Variants in ACTN1 observed in about 807,000 individuals in gnomAD.
ACTN1 encodes alpha-actinin-1.
Under a neutral mutation model 119.6 loss-of-function variants are expected in ACTN1, and 30 were observed. The ratio of observed to expected loss-of-function variants is 0.25; its 90% CI spans 0.19 to 0.34. The LOEUF is 0.34. Ranked by LOEUF, ACTN1 falls within the 10% of genes least tolerant of loss-of-function variation. The pLI, the probability that ACTN1 is intolerant of heterozygous loss-of-function variation, is 1.00. For synonymous variants in ACTN1, 429 were observed against 472.6 expected (o/e 0.91, Z 1.20); for missense variants, 764 against 1,223.4 (o/e 0.62, Z 5.60).
intron 1 of ACTN1, among the ~76,000 whole-genome samples, chr14:68,941,127 G>A (rs1184410485): frequency 6.6e-6 from 1 of 152,222 alleles, no homozygotes; most frequent in Non-Finnish European, 1.5e-5. Flanking sequence ...TTTAAAAGGG[G>A]CATGAAGCCC....
chr14:68,898,525 G>A (rs552768882), intron 8 of ACTN1, among the ~76,000 whole-genome samples: 3 of 152,162 alleles, frequency 2.0e-5, no homozygotes, highest in Non-Finnish European at 4.4e-5. Context: ...CACTGGGCAC[G>A]GGTTTTGGAA....
In ACTN1 at chr14:68,878,906, C is replaced by T. The variant is rs748517119; in HGVS notation, c.2361+83G>A. 2 of 1,604,776 alleles carry T rather than the reference C, an allele frequency of 1.2e-6. No individual in the cohort carries two copies. Among genetic ancestry groups the T allele is most frequent in the East Asian group, 2.2e-5 (1 of 44,722 alleles). On this transcript the variant is annotated intron_variant, in intron 19 of 21. Transcript: ENST00000394419. The surrounding 1 kb of genome is among the most constrained non-coding windows in gnomAD (Gnocchi z 4.4). Reference sequence around the variant, plus strand: ...ACAGGAGGGGGACAGGAGATCCAGACAGAGAGAAGAGAAAAAGGAAAAACG... The same window carrying T: ...ACAGGAGGGGGACAGGAGATCCAGATAGAGAGAAGAGAAAAAGGAAAAACG...
chr14:68,893,727 G>A lies in ACTN1; in HGVS notation c.783C>T (p.Arg261=), dbSNP rs1193110386. The part of the protein sequence containing the change: ...GAQKAETAAN[R]ICKVLAVNQE... ...GGTTGACGGCCAACACCTTGCAGAT[G>A]CGATTGGCTGCTGTCTCCGCCTGGC... Residue 261 remains arginine, a synonymous_variant, in exon 9 of 22, where the codon CGC becomes CGT. Transcript: ENST00000394419. The A allele has an allele frequency of 6.8e-6, 11 of 1,614,052 alleles. No individual in the cohort carries two copies. The highest frequency in any genetic ancestry group is 2.2e-5 in the East Asian group (1 of 44,878).
At chr14:68,966,190 C>T (rs1479732530) in intron 1 of ACTN1, among the ~76,000 whole-genome samples, 1 of 152,158 alleles carries the variant, frequency 6.6e-6, no homozygotes, top group Non-Finnish European at 1.5e-5. Flanking sequence ...GCACTCCAGC[C>T]TGGGTGACAG....
chr14:68,896,453 C>T (rs546359896), intron 8 of ACTN1, among the ~76,000 whole-genome samples: 5 of 152,236 alleles, frequency 3.3e-5, no homozygotes, highest in East Asian at 1.9e-4. Flanking sequence ...AAGGAAAGGC[C>T]GCTGGGGGTG....
intron 6 of ACTN1, among the ~76,000 whole-genome samples, chr14:68,907,676 G>A (rs187486394): frequency 6.6e-6 from 1 of 152,338 alleles, no homozygotes; most frequent in Admixed American, 6.5e-5. Flanking sequence ...TAGTGCGTGG[G>A]AGAGTGCTAA....
intron 8 of ACTN1, among the ~76,000 whole-genome samples, chr14:68,901,728 T>C (rs1475004668): frequency 6.6e-6 from 1 of 152,234 alleles, no homozygotes; most frequent in Non-Finnish European, 1.5e-5. Flanking sequence ...AAATCTTCAA[T>C]GTCCACAGCA....
In ACTN1 at chr14:68,912,482, G is replaced by A. The variant is rs571481853; in HGVS notation, c.341-240C>T. 8.5e-5 allele frequency among the ~76,000 whole-genome samples: 13 copies of A among 152,226 alleles called. No homozygotes were observed. The East Asian group carries it at 1.7e-3, about 20-fold the overall frequency. ...CAGCCTCCAAATCCTGGGCTCAAGC[G>A]ATCCTCCCATCTCACCTTCCTGGGT... On this transcript the variant is annotated intron_variant, in intron 3 of 21. Coordinates refer to ENST00000394419, the MANE Select transcript of ACTN1 (RefSeq NM_001130004.2).
At chr14:68,978,207 A>G (rs1234266871) in intron 1 of ACTN1, 10 of 455,942 alleles carry the variant, frequency 2.2e-5, no homozygotes, top group African/African-American at 4.0e-5. Flanking sequence ...ACTCGAACCG[A>G]GCTGCCCACC....
intron 1 of ACTN1, chr14:68,947,455 G>GA (rs1415784233): frequency 2.0e-5 from 3 of 152,218 alleles, no homozygotes; most frequent in Non-Finnish European, 2.9e-5. Flanking sequence ...TTTTACAGAG[G>GA]AAGAAACTGA....
intron 1 of ACTN1, among the ~76,000 whole-genome samples, chr14:68,965,746 G>A (rs1285874475): frequency 6.6e-6 from 1 of 152,292 alleles, no homozygotes. Context: ...ACTGGCTTCT[G>A]GGTCTGTCTA....
intron 3 of ACTN1, among the ~76,000 whole-genome samples, chr14:68,912,942 C>T (rs528113346): frequency 9.2e-5 from 14 of 152,236 alleles, no homozygotes; most frequent in African/African-American, 1.4e-4. Context: ...GCCACCCACA[C>T]GTGGAAAAAC....
chr14:68,891,610 G>A (rs1183049095), intron 10 of ACTN1, among the ~76,000 whole-genome samples: 2 of 151,890 alleles, frequency 1.3e-5, no homozygotes, highest in Non-Finnish European at 2.9e-5. Flanking sequence ...TTGCTTATTT[G>A]TATCTTTGAA....
chr14:68,884,388 AGCCCCAG>A, intron 13 of ACTN1, 80 bp from the exon 14 acceptor site: 1 of 1,501,410 alleles, frequency 6.7e-7, no homozygotes, highest in Non-Finnish European at 9.0e-7. Flanking sequence ...CCTCCTGGTG[AGCCCCAG>A]GTCTAGAAGC....
At chr14:68,943,532 C>T (rs2035833474) in intron 1 of ACTN1, among the ~76,000 whole-genome samples, 2 of 152,164 alleles carry the variant, frequency 1.3e-5, no homozygotes, top group Non-Finnish European at 2.9e-5. Flanking sequence ...CCCCAGCCCC[C>T]TCCCCCCAAC....
rs1355211083 is a variant in ACTN1 at position 68,880,295 on chromosome 14, T to A, written c.2134-187A>T. Among the ~76,000 whole-genome samples the A allele has an allele frequency of 6.6e-6, 1 of 152,112 alleles. No homozygotes were observed. Among genetic ancestry groups the A allele is most frequent in the East Asian group, 1.9e-4 (1 of 5,194 alleles). ...AACCTACTAGGACAAGGACCCTAGA[T>A]GACCAAGGGGCAGGGTGGCAGCCTC... is the stretch of plus-strand genomic sequence containing the variant. On this transcript the variant is annotated intron_variant, in intron 17 of 21. Transcript: ENST00000394419. The surrounding 1 kb of genome is among the most constrained non-coding windows in gnomAD (Gnocchi z 4.6).
Position 68,874,900 on chromosome 14 carries a change from T to C in ACTN1, c.2704A>G (p.Met902Val). The C allele has an allele frequency of 6.2e-7, 1 of 1,608,518 alleles. No homozygotes were observed. Among genetic ancestry groups the C allele is most frequent in the Non-Finnish European group, 8.5e-7 (1 of 1,175,678 alleles). The change falls in exon 22 of 22, where the codon ATG becomes GTG. Residue 902 changes from methionine to valine, a missense_variant. Physicochemically the swap from Met to Val is conservative, Grantham distance 21. Transcript: ENST00000394419. ...CCGTACAGCGCCGTGGAGAAGGACA[T>C]GTAGTCCAGAGCACCTGGCACGGAG... ...PDSVPGALDY[M>V]SFSTALYGES... is the part of the protein sequence containing the mutation.
intron 1 of ACTN1, among the ~76,000 whole-genome samples, chr14:68,952,566 G>A (rs995801433): frequency 2.6e-5 from 4 of 152,208 alleles, no homozygotes; most frequent in Admixed American, 2.6e-4. Flanking sequence ...TCCCTGTGCC[G>A]CAATGCCTAG....
Position 68,978,994 on chromosome 14 carries a change from C to T in ACTN1, c.63G>A (p.Arg21=), listed in dbSNP as rs1594895679. The T allele has an allele frequency of 6.2e-7, 1 of 1,602,868 alleles. No homozygotes were observed. The highest frequency in any genetic ancestry group is 8.5e-7 in the Non-Finnish European group (1 of 1,174,506). ...DYMQPEEDWD[R]DLLLDPAWEK... ...CCCAGGCCGGGTCCAGGAGCAGGTC[C>T]CGGTCCCAGTCCTCTTCTGGCTGCA... Residue 21 remains arginine (R), a synonymous_variant, in exon 1 of 22, where the codon CGG becomes CGA. Coordinates refer to ENST00000394419, the MANE Select transcript of ACTN1 (RefSeq NM_001130004.2).
Sources: gnomAD v4.1 joint callset for allele counts (sites outside exome capture counted in the v4.1 genomes callset) on GRCh38, gnomAD v4.1.1 for gene constraint, Gnocchi (gnomAD v3.1) non-coding constraint, MANE v1.5 for transcripts, NCBI Gene and HGNC (gene_info 2026-07-23, HGNC 2026-07-21) for gene names.